Variants in ACOXL observed in about 807,000 individuals in gnomAD.
ACOXL encodes acyl-CoA oxidase like.
A neutral mutation model predicts 71.9 loss-of-function variants in ACOXL; 70 were observed. That is an observed-to-expected ratio of 0.97 (90% confidence interval 0.80 to 1.19). The LOEUF (loss-of-function observed/expected upper bound fraction) is 1.19, where lower values mean the gene tolerates loss of function less well. Ranked by LOEUF, ACOXL falls within the 50% of genes most tolerant of loss-of-function variation. The pLI is 0.00. For synonymous variants in ACOXL, 253 were observed against 281.6 expected (o/e 0.90, Z 1.02); for missense variants, 703 against 736.3 (o/e 0.95, Z 0.52).
At chr2:110,997,136 A>G (rs1009138390) in intron 14 of ACOXL, among the ~76,000 whole-genome samples, 2 of 152,220 alleles carry the variant, frequency 1.3e-5, no homozygotes, top group African/African-American at 4.8e-5. Context: ...TTAACAAGGG[A>G]GAAAATGCAA....
At chr2:110,931,560 T>C (rs1442327100) in intron 11 of ACOXL, among the ~76,000 whole-genome samples, 1 of 152,188 alleles carries the variant, frequency 6.6e-6, no homozygotes, top group Non-Finnish European at 1.5e-5. Flanking sequence ...ACATGCTATT[T>C]AGGAATAGAG....
At chr2:110,811,832 A>G (rs72832841) in intron 9 of ACOXL, among the ~76,000 whole-genome samples, 8,302 of 149,718 alleles carry the variant, frequency 0.055, 380 homozygotes, top group African/African-American at 0.12. Context: ...GGGGAAGTCC[A>G]GTGGGATGAA....
chr2:110,891,497 A>T (rs1697924809), intron 10 of ACOXL, among the ~76,000 whole-genome samples: 1 of 151,412 alleles, frequency 6.6e-6, no homozygotes, highest in African/African-American at 2.4e-5. Context: ...TTTCTATTTG[A>T]TGCTTAATTC....
At chr2:111,109,906 C>T (rs1189196227) in intron 17 of ACOXL, among the ~76,000 whole-genome samples, 3 of 151,810 alleles carry the variant, frequency 2.0e-5, no homozygotes, top group Admixed American at 1.3e-4. Context: ...CTCGAACTCC[C>T]GGCTTCAAGC....
At chr2:110,966,474 G>A (rs2061935335) in intron 12 of ACOXL, among the ~76,000 whole-genome samples, 1 of 152,172 alleles carries the variant, frequency 6.6e-6, no homozygotes, top group African/African-American at 2.4e-5. Flanking sequence ...GCCCAGTGAG[G>A]AGCTGAAGCT....
intron 10 of ACOXL, among the ~76,000 whole-genome samples, chr2:110,863,047 A>G (rs1399936139): frequency 6.6e-6 from 1 of 152,238 alleles, no homozygotes; most frequent in African/African-American, 2.4e-5. Context: ...GATTTGCTCT[A>G]ATTCTCTCAG....
At chr2:110,920,851 T>A (rs755361261) in intron 11 of ACOXL, among the ~76,000 whole-genome samples, 1 of 152,192 alleles carries the variant, frequency 6.6e-6, no homozygotes, top group South Asian at 2.1e-4. Flanking sequence ...TAGGTCTTCT[T>A]TGAGTTCTGT....
intron 12 of ACOXL, among the ~76,000 whole-genome samples, chr2:110,946,861 T>C (rs1362755084): frequency 6.6e-6 from 1 of 152,170 alleles, no homozygotes; most frequent in African/African-American, 2.4e-5. Flanking sequence ...TGTTTCCCCC[T>C]GTTGTCCAGC....
intron 10 of ACOXL, among the ~76,000 whole-genome samples, chr2:110,897,056 A>G (rs1354589718): frequency 6.6e-6 from 1 of 152,232 alleles, no homozygotes; most frequent in Non-Finnish European, 1.5e-5. Context: ...TATTCAAACT[A>G]GAACTTTGTA....
At chr2:110,943,025 GAAGAAGGAAGGA>G (rs1310087700) in intron 12 of ACOXL, among the ~76,000 whole-genome samples, 8 of 133,008 alleles carry the variant, frequency 6.0e-5, no homozygotes, top group Non-Finnish European at 1.1e-4. Context: ...AGAAAGGAAG[GAAGAAGGAAGGA>G]AAGAAGGAAG....
At chr2:110,948,973 A>G (rs549331562) in intron 12 of ACOXL, among the ~76,000 whole-genome samples, 66 of 152,126 alleles carry the variant, frequency 4.3e-4, no homozygotes, top group Admixed American at 2.2e-3. Context: ...ACATTTCACT[A>G]CAGACCAGTA....
chr2:110,980,780 C>G (rs1217840999), intron 12 of ACOXL, among the ~76,000 whole-genome samples: 1 of 152,208 alleles, frequency 6.6e-6, no homozygotes, highest in Non-Finnish European at 1.5e-5. Flanking sequence ...GCCCAGGCTT[C>G]TCCATGCTGC....
chr2:110,928,612 C>T (rs1185580834), intron 11 of ACOXL, among the ~76,000 whole-genome samples: 1 of 152,208 alleles, frequency 6.6e-6, no homozygotes, highest in Non-Finnish European at 1.5e-5. Flanking sequence ...CTTGCCATCT[C>T]ATTGACTTTA....
chr2:110,971,874 T>C (rs1383647116), intron 12 of ACOXL, among the ~76,000 whole-genome samples: 1 of 152,230 alleles, frequency 6.6e-6, no homozygotes, highest in East Asian at 1.9e-4. Context: ...CCATCTCAGC[T>C]TGTGATCCAA....
chr2:110,791,330 A>G (rs1314556882), intron 3 of ACOXL, among the ~76,000 whole-genome samples: 2 of 151,844 alleles, frequency 1.3e-5, no homozygotes, highest in African/African-American at 4.8e-5. Flanking sequence ...TGGATAAAAC[A>G]CTCTAGGTTT....
At chr2:110,925,853 CTTTTTTTTTT>C (rs59794309) in intron 11 of ACOXL, among the ~76,000 whole-genome samples, 13 of 121,020 alleles carry the variant, frequency 1.1e-4, no homozygotes, top group African/African-American at 2.7e-4. Context: ...TTACTTCTAG[CTTTTTTTTTT>C]TTTTTTTTTT....
In ACOXL at chr2:111,118,227, A is replaced by T. The variant is rs75129943; in HGVS notation, c.*411A>T. On this transcript the variant is annotated 3_prime_UTR_variant, in exon 18 of 18. Transcript: ENST00000439055. ...AACTGTGGTGCCGAGTGAAAGAAAA[A>T]AAAAAAAGCAAACACCCTTAGACAA... The T allele has an allele frequency of 9.8e-6, 2 of 204,214 alleles. No individual in the cohort carries two copies. Among genetic ancestry groups the T allele is most frequent in the Admixed American group, 5.8e-5 (1 of 17,196 alleles). The allele number at this position is 204,214 out of a possible 1,614,324, so 12.7% of individuals were successfully genotyped here. A position where few individuals can be genotyped will look rare whatever the true frequency, so the allele number is the denominator to read the frequency against.
At chr2:110,884,313 G>A (rs4849170) in intron 10 of ACOXL, among the ~76,000 whole-genome samples, 49,028 of 152,054 alleles carry the variant, frequency 0.32, 8,169 homozygotes, top group Middle Eastern at 0.39. Flanking sequence ...CGTACTCCTC[G>A]TTAAAGAATG....
At chr2:110,764,408 A>G (rs1207456933) in intron 1 of ACOXL, among the ~76,000 whole-genome samples, 2 of 152,226 alleles carry the variant, frequency 1.3e-5, no homozygotes, top group Admixed American at 6.5e-5. Flanking sequence ...AAGACAATTC[A>G]AAAGTCTAGT....
Sources: allele counts gnomAD v4.1 joint callset (sites outside exome capture counted in the v4.1 genomes callset), GRCh38; gene constraint gnomAD v4.1.1; transcripts MANE v1.5; gene names NCBI Gene and HGNC (gene_info 2026-07-23, HGNC 2026-07-21).